FCHSD2: variants seen among roughly 807,000 people sequenced by gnomAD.
FCHSD2 encodes F-BAR and double SH3 domains protein 2.
In FCHSD2, 38 loss-of-function variants were observed where a neutral mutation model predicts 108.1. The ratio of observed to expected loss-of-function variants is 0.35; its 90% CI spans 0.27 to 0.46. The LOEUF (loss-of-function observed/expected upper bound fraction) is 0.46. Among genes scored for constraint, FCHSD2 ranks in the 20% least tolerant of loss-of-function variants. The pLI, the probability that FCHSD2 is intolerant of heterozygous loss-of-function variation, is 1.00. For synonymous variants in FCHSD2, 279 were observed against 314.7 expected, an observed-to-expected ratio of 0.89 and a Z score of 1.20; for missense variants, 751 against 897.8, an observed-to-expected ratio of 0.84 and a Z score of 2.09.
intron 2 of FCHSD2, among the ~76,000 whole-genome samples, chr11:73,097,615 CT>C (rs200159157): frequency 0.05 from 4,785 of 95,276 alleles, 215 homozygotes; most frequent in African/African-American, 0.16. Flanking sequence ...GTGAGGTGTT[CT>C]TTTTTTTTTT....
Position 73,083,730 on chromosome 11 carries a change from G to T in FCHSD2, c.130C>A (p.Gln44Lys). The T allele has an allele frequency of 1.3e-6, 2 of 1,542,324 alleles. No individual in the cohort carries two copies. The highest frequency in any genetic ancestry group is 1.2e-5 in the South Asian group (1 of 83,882). ...TCTCTTTCAATAGCAGCCTTCTTCTGACTGAATGTCCTAAAAATACAAAGA... is the reference window on the plus strand; with the variant it reads ...TCTCTTTCAATAGCAGCCTTCTTCTTACTGAATGTCCTAAAAATACAAAGA... ...DLLEDMRTFS[Q>K]KKAAIEREYA... The change falls in exon 3 of 20, where the codon CAG becomes AAG. Residue 44 changes from glutamine to lysine, a missense_variant. Coordinates refer to ENST00000409418, the MANE Select transcript of FCHSD2 (RefSeq NM_014824.3).
At chr11:72,862,246 T>C (rs570317878) in intron 13 of FCHSD2, among the ~76,000 whole-genome samples, 1 of 152,296 alleles carries the variant, frequency 6.6e-6, no homozygotes, top group South Asian at 2.1e-4. Context: ...ACCACTTCTA[T>C]TCAGCAATTT....
In FCHSD2 at chr11:73,141,347, C is replaced by A. The variant is rs951174574; in HGVS notation, c.21+510G>T. 17 of 155,522 alleles carry A rather than the reference C, an allele frequency of 1.1e-4. No homozygotes were observed. In the South Asian group the frequency reaches 2.9e-3, roughly 27 times the overall value. 9.6% of individuals were successfully genotyped at this position (155,522 alleles called of 1,614,324 possible). A position where few individuals can be genotyped will look rare whatever the true frequency, so the allele number is the denominator to read the frequency against. On this transcript the variant is annotated intron_variant, in intron 1 of 19. Coordinates refer to ENST00000409418, the MANE Select transcript of FCHSD2 (RefSeq NM_014824.3). ...TTGGGGTGGGGAGGCGGTGACTATT[C>A]CAACTTCTTTTCGGCCGCCCCGTGG...
At chr11:72,887,596 T>C in intron 11 of FCHSD2, 22 bp from the exon 12 acceptor site, 1 of 1,401,744 alleles carries the variant, frequency 7.1e-7, no homozygotes, top group Non-Finnish European at 9.7e-7. Context: ...AATGGGACAA[T>C]AATGATGACT....
At position 73,141,950 on chromosome 11, in the gene FCHSD2, G is replaced by A; in HGVS notation, c.-73C>T. ...CCAGGAGGAGGAGGAGGGCCGGAGAGGAGGGGACGGCCCAGCGAGCGCGCG... is the reference window on the plus strand; with the variant it reads ...CCAGGAGGAGGAGGAGGGCCGGAGAAGAGGGGACGGCCCAGCGAGCGCGCG... On this transcript the variant is annotated 5_prime_UTR_variant, in exon 1 of 20. Coordinates refer to ENST00000409418, the MANE Select transcript of FCHSD2 (RefSeq NM_014824.3). 2.1e-6 allele frequency: 3 copies of A among 1,441,702 alleles called. No homozygotes were observed. Among genetic ancestry groups the A allele is most frequent in the Middle Eastern group, 1.7e-4 (1 of 5,772 alleles). The allele number at this position is 1,441,702 out of a possible 1,614,324, so 89.3% of individuals were successfully genotyped here.
intron 10 of FCHSD2, among the ~76,000 whole-genome samples, chr11:72,895,748 T>G (rs180862222): frequency 6.6e-6 from 1 of 152,316 alleles, no homozygotes; most frequent in African/African-American, 2.4e-5. Context: ...CTGTCAGTAT[T>G]GCTAATTCTA....
intron 13 of FCHSD2, among the ~76,000 whole-genome samples, chr11:72,866,257 TTTTG>T (rs1183353484): frequency 4.7e-4 from 20 of 42,868 alleles, no homozygotes; most frequent in Admixed American, 2.1e-3. Context: ...CTGTTCTGTT[TTTTG>T]TTTTGTTTTG....
rs190914713 is a variant in FCHSD2 at position 73,018,549 on chromosome 11, G to A, written c.166-2664C>T. On this transcript the variant is annotated intron_variant, in intron 3 of 19. Coordinates refer to ENST00000409418, the MANE Select transcript of FCHSD2 (RefSeq NM_014824.3). ...TTTTTTTTTTAATCATTATATCCCC[G>A]GCTATAGCAGATCACCTAGAATTTA... 1.7e-3 allele frequency among the ~76,000 whole-genome samples: 254 copies of A among 147,968 alleles called. 1 individual carries two copies. The highest frequency in any genetic ancestry group is 2.2e-3 in the Non-Finnish European group (147 of 67,424).
intron 2 of FCHSD2, among the ~76,000 whole-genome samples, chr11:73,115,416 G>A (rs1451819194): frequency 6.6e-6 from 1 of 152,140 alleles, no homozygotes; most frequent in African/African-American, 2.4e-5. Context: ...TTCTCCTGAC[G>A]TTTGGCCTCC....
At chr11:73,077,033 C>T (rs1250211834) in intron 3 of FCHSD2, among the ~76,000 whole-genome samples, 2 of 149,666 alleles carry the variant, frequency 1.3e-5, no homozygotes, top group Admixed American at 6.7e-5. Flanking sequence ...TGGCATGAAC[C>T]CGGGAGGCGG....
At chr11:73,110,027 G>A (rs1230142889) in intron 2 of FCHSD2, among the ~76,000 whole-genome samples, 6 of 152,038 alleles carry the variant, frequency 3.9e-5, no homozygotes, top group Non-Finnish European at 7.4e-5. Context: ...TTGCATCCCT[G>A]GGATATATCT....
chr11:73,003,345 C>T (rs1382945194), intron 4 of FCHSD2, among the ~76,000 whole-genome samples: 5 of 152,170 alleles, frequency 3.3e-5, no homozygotes, highest in African/African-American at 1.2e-4. Context: ...TCATGATACA[C>T]AGATTCTTTT....
intron 13 of FCHSD2, among the ~76,000 whole-genome samples, chr11:72,863,270 C>T (rs1446641826): frequency 6.6e-6 from 1 of 151,020 alleles, no homozygotes; most frequent in Non-Finnish European, 1.5e-5. Context: ...AATTCAGTGG[C>T]GAAAGGACAG....
intron 13 of FCHSD2, among the ~76,000 whole-genome samples, chr11:72,858,372 G>A (rs1205866982): frequency 6.6e-6 from 1 of 152,154 alleles, no homozygotes; most frequent in Non-Finnish European, 1.5e-5. Flanking sequence ...AAACCTAAAT[G>A]CCCATCAATG....
rs61586562 is a variant in FCHSD2, at chr11:73,126,339, T to TA, written c.119+13691dup. Among the ~76,000 whole-genome samples, 26 of 27,646 alleles carry TA rather than the reference T, an allele frequency of 9.4e-4. 1 individual carries two copies. Among genetic ancestry groups the TA allele is most frequent in the East Asian group, 3.9e-3 (1 of 256 alleles). The allele number at this position is 27,646 out of a possible 152,430, so 18.1% of individuals were successfully genotyped here. On this transcript the variant is annotated intron_variant, in intron 2 of 19. Coordinates refer to ENST00000409418, the MANE Select transcript of FCHSD2 (RefSeq NM_014824.3). ...TGGGCAACAGGGCAAGATTCCATCT[T>TA]AAAAAAAAAAAAAAAAAAAAAAAAA...
Position 72,867,941 on chromosome 11 carries a change from T to C in FCHSD2, c.1232A>G (p.Asn411Ser). ...ATTTTCCAGTTCTTCCATTACTTGG[T>C]TCATGGCACTCTTTAGCCATGTGTC... ...SVDTWLKSAM[N>S]QVMEELENER... Residue 411 changes from asparagine to serine, a missense_variant, in exon 13 of 20, where the codon AAC becomes AGC. By Grantham distance (46) the Asn-to-Ser change is conservative. Coordinates refer to ENST00000409418, the MANE Select transcript of FCHSD2 (RefSeq NM_014824.3). The C allele has an allele frequency of 6.2e-7, 1 of 1,606,046 alleles. No homozygotes were observed. The highest frequency in any genetic ancestry group is 8.5e-7 in the Non-Finnish European group (1 of 1,176,424).
chr11:73,055,034 G>A (rs987010919), intron 3 of FCHSD2, among the ~76,000 whole-genome samples: 25 of 152,166 alleles, frequency 1.6e-4, no homozygotes. Context: ...CAAAATCATG[G>A]GGGAAGGCAA....
At chr11:72,862,769 A>G (rs1741125954) in intron 13 of FCHSD2, among the ~76,000 whole-genome samples, 1 of 152,182 alleles carries the variant, frequency 6.6e-6, no homozygotes, top group East Asian at 1.9e-4. Context: ...AATACCCAAA[A>G]CAACTTTGAT....
intron 3 of FCHSD2, among the ~76,000 whole-genome samples, chr11:73,025,040 T>C (rs1225819081): frequency 6.6e-6 from 1 of 152,232 alleles, no homozygotes; most frequent in Non-Finnish European, 1.5e-5. Flanking sequence ...ACACTGTTTA[T>C]GGAAGTGTAA....
Sources: gnomAD v4.1 joint callset for allele counts (sites outside exome capture counted in the v4.1 genomes callset) on GRCh38, gnomAD v4.1.1 for gene constraint, MANE v1.5 for transcripts, NCBI Gene and HGNC (gene_info 2026-07-23, HGNC 2026-07-21) for gene names.